Variants in LMBR1 observed in about 807,000 individuals in gnomAD.
LMBR1 encodes the protein limb development membrane protein 1.
A neutral mutation model predicts 73.9 loss-of-function variants in LMBR1; 52 were observed. That is an observed-to-expected ratio of 0.70 (90% CI 0.56 to 0.89). LMBR1 has a LOEUF of 0.89. Ranked by LOEUF, LMBR1 falls within the 40% of genes least tolerant of loss-of-function variation. LMBR1 has a pLI of 0.00. For missense variants in LMBR1, 539 were observed against 579.8 expected, an observed-to-expected ratio of 0.93 and a Z score of 0.72; for synonymous variants, 215 against 209.4, an observed-to-expected ratio of 1.03 and a Z score of -0.23.
intron 2 of LMBR1, among the ~76,000 whole-genome samples, chr7:156,835,522 C>T (rs1189334400): frequency 6.6e-6 from 1 of 152,014 alleles, no homozygotes; most frequent in Non-Finnish European, 1.5e-5. Context: ...TAGTGAAGCC[C>T]TGTCTCTATT....
intron 15 of LMBR1, among the ~76,000 whole-genome samples, chr7:156,702,530 T>TTAGA (rs10682875): frequency 0.15 from 22,377 of 152,082 alleles, 2,049 homozygotes; most frequent in African/African-American, 0.27. Context: ...TAGACCTTTG[T>TTAGA]TAGACTGAAA....
chr7:156,696,235 T>C (rs1808257750), intron 15 of LMBR1, among the ~76,000 whole-genome samples: 1 of 152,244 alleles, frequency 6.6e-6, no homozygotes, highest in Non-Finnish European at 1.5e-5. Context: ...ATTAAGGATG[T>C]CTGCTTGTTC....
At chr7:156,736,860 T>A (rs1417555792) in intron 9 of LMBR1, among the ~76,000 whole-genome samples, 1 of 152,200 alleles carries the variant, frequency 6.6e-6, no homozygotes, top group Non-Finnish European at 1.5e-5. Flanking sequence ...TAACACAAAT[T>A]CAAACCCAAA....
intron 15 of LMBR1, among the ~76,000 whole-genome samples, chr7:156,720,753 T>A (rs1377664426): frequency 6.6e-6 from 1 of 151,736 alleles, no homozygotes; most frequent in Non-Finnish European, 1.5e-5. Context: ...TATATACTTT[T>A]TGGTGAGAAA....
intron 15 of LMBR1, among the ~76,000 whole-genome samples, chr7:156,692,079 T>G (rs1264899145): frequency 6.6e-6 from 1 of 152,100 alleles, no homozygotes; most frequent in African/African-American, 2.4e-5. Flanking sequence ...GCAAACGCTT[T>G]ACCTTTTTTT....
At chr7:156,754,122 T>A (rs144103301) in intron 9 of LMBR1, among the ~76,000 whole-genome samples, 70 of 152,336 alleles carry the variant, frequency 4.6e-4, no homozygotes, top group African/African-American at 1.3e-3. Context: ...TTATTCAGGA[T>A]ACCAATTAAC....
intron 3 of LMBR1, among the ~76,000 whole-genome samples, chr7:156,830,146 T>C (rs573239857): frequency 2.2e-4 from 34 of 152,328 alleles, no homozygotes; most frequent in Non-Finnish European, 4.0e-4. Context: ...TGAAACTCTT[T>C]CCCCAACTTC....
intron 3 of LMBR1, among the ~76,000 whole-genome samples, chr7:156,827,913 T>A (rs6962768): frequency 0.42 from 64,499 of 151,984 alleles, 13,984 homozygotes; most frequent in East Asian, 0.6. Context: ...ATACAACTGA[T>A]ATCAGATACA....
In LMBR1 at chr7:156,682,651, T is replaced by C. The variant is rs957699848; in HGVS notation, c.*1427A>G. 1 of 152,232 alleles carries C rather than the reference T, an allele frequency of 6.6e-6. No individual in the cohort carries two copies. The highest frequency in any genetic ancestry group is 2.4e-5 in the African/African-American group (1 of 41,466). The allele number at this position is 152,232 out of a possible 1,614,324, so 9.4% of individuals were successfully genotyped here. On this transcript the variant is annotated 3_prime_UTR_variant, in exon 17 of 17. Transcript: ENST00000353442. The stretch of plus-strand genomic sequence containing the variant: ...GTGTACTCAACAAAGGTTGTAAATA[T>C]ACAGATTAAAGTTTCTTATTATTTT...
chr7:156,778,265 A>G lies in LMBR1; in HGVS notation c.424-14470T>C, dbSNP rs549929681. Reference sequence around the variant, plus strand: ...GTTATCGATCTACATTACAAGAGTAAATCAACAATACTAATAGAAAAGGCT... The same window carrying G: ...GTTATCGATCTACATTACAAGAGTAGATCAACAATACTAATAGAAAAGGCT... On this transcript the variant is annotated intron_variant, in intron 5 of 16. Coordinates refer to ENST00000353442, the MANE Select transcript of LMBR1 (RefSeq NM_022458.4). Among the ~76,000 whole-genome samples the G allele has an allele frequency of 3.9e-5, 6 of 152,350 alleles. No homozygotes were observed. The South Asian group carries it at 6.2e-4, about 16-fold the overall frequency.
chr7:156,676,328 C>T (rs1804025143), downstream of LMBR1: 1 of 1,612,922 alleles, frequency 6.2e-7, no homozygotes, highest in Non-Finnish European at 8.5e-7. Context: ...AGACCCATGT[C>T]TCGGGGCACA....
At chr7:156,686,653 A>G (rs1389794776) in intron 16 of LMBR1, among the ~76,000 whole-genome samples, 1 of 152,212 alleles carries the variant, frequency 6.6e-6, no homozygotes, top group African/African-American at 2.4e-5. Context: ...GGCCTTTTAT[A>G]TCAGGTTATG....
chr7:156,839,452 T>C (rs1406318750), intron 1 of LMBR1, among the ~76,000 whole-genome samples: 3 of 152,176 alleles, frequency 2.0e-5, no homozygotes, highest in African/African-American at 7.2e-5. Context: ...GAGATCTCGT[T>C]ACAGTCAAAG....
intron 1 of LMBR1, among the ~76,000 whole-genome samples, chr7:156,847,098 C>G (rs950768844): frequency 6.6e-6 from 1 of 152,058 alleles, no homozygotes; most frequent in Non-Finnish European, 1.5e-5. Flanking sequence ...AAATATAGAT[C>G]CACAGAAAAG....
intron 13 of LMBR1, 22 bp from the exon 14 acceptor site, chr7:156,725,547 ACT>A (rs1270658549): frequency 6.6e-7 from 1 of 1,512,510 alleles, no homozygotes; most frequent in Non-Finnish European, 9.0e-7. Flanking sequence ...AAGGAAAAAA[ACT>A]CTCCAACAGA....
At chr7:156,836,483 T>TGA (rs1837661322) in intron 2 of LMBR1, among the ~76,000 whole-genome samples, 1 of 152,192 alleles carries the variant, frequency 6.6e-6, no homozygotes, top group South Asian at 2.1e-4. Context: ...GAGGTGTGGA[T>TGA]GAGTAAAACA....
downstream of LMBR1, chr7:156,676,650 T>G (rs748625528): frequency 1.7e-5 from 28 of 1,612,278 alleles, 1 homozygote; most frequent in East Asian, 6.2e-4. Context: ...GATTCTTGAA[T>G]GTTGAATTCA....
intron 5 of LMBR1, among the ~76,000 whole-genome samples, chr7:156,771,800 C>T (rs1315601942): frequency 6.6e-6 from 1 of 152,154 alleles, no homozygotes; most frequent in Non-Finnish European, 1.5e-5. Context: ...AAACTTCACA[C>T]CAATATTCTT....
At chr7:156,778,749 T>C (rs1159655004) in intron 5 of LMBR1, among the ~76,000 whole-genome samples, 4 of 152,240 alleles carry the variant, frequency 2.6e-5, no homozygotes, top group African/African-American at 7.2e-5. Context: ...CTTTATGGCA[T>C]GCCATGTGTG....
Sources: allele counts gnomAD v4.1 joint callset (sites outside exome capture counted in the v4.1 genomes callset), GRCh38; gene constraint gnomAD v4.1.1; transcripts MANE v1.5; gene names NCBI Gene and HGNC (gene_info 2026-07-23, HGNC 2026-07-21).